The following SLC17A6 variants were observed in gnomAD, a reference collection of about 807,000 sequenced individuals.
SLC17A6 encodes the protein vesicular glutamate transporter 2.
A neutral mutation model predicts 67.1 loss-of-function variants in SLC17A6; 35 were observed. The observed-to-expected ratio is 0.52, with a 90% CI of 0.40 to 0.69. The LOEUF (loss-of-function observed/expected upper bound fraction) is 0.69. Among genes scored for constraint, SLC17A6 ranks in the 30% least tolerant of loss-of-function variants. The pLI is 0.00. For synonymous variants in SLC17A6, 285 were observed against 252.3 expected, an observed-to-expected ratio of 1.13 and a Z score of -1.23; for missense variants, 588 against 723.9, an observed-to-expected ratio of 0.81 and a Z score of 2.15.
At chr11:22,365,018 C>A (rs900121598) in intron 6 of SLC17A6, among the ~76,000 whole-genome samples, 13 of 152,118 alleles carry the variant, frequency 8.5e-5, no homozygotes, top group African/African-American at 3.1e-4. Flanking sequence ...TGTAGCCACT[C>A]ATGCTAAAAT....
intron 8 of SLC17A6, among the ~76,000 whole-genome samples, chr11:22,374,544 C>A (rs1856210974): frequency 6.6e-6 from 1 of 151,532 alleles, no homozygotes; most frequent in Non-Finnish European, 1.5e-5. Flanking sequence ...AAAAAATTAC[C>A]TTCTAAAGGA....
chr11:22,341,140 G>C (rs948295719), intron 1 of SLC17A6, among the ~76,000 whole-genome samples: 5 of 152,104 alleles, frequency 3.3e-5, no homozygotes, highest in Admixed American at 6.5e-5. Context: ...AGTGGGAGGC[G>C]CCTACTCAGG....
At chr11:22,367,538 T>A (rs185931868) in intron 7 of SLC17A6, among the ~76,000 whole-genome samples, 2 of 152,278 alleles carry the variant, frequency 1.3e-5, no homozygotes, top group East Asian at 3.9e-4. Flanking sequence ...AGATTGCTAG[T>A]ATGCACTGGT....
Position 22,376,601 on chromosome 11 carries a change from A to T in SLC17A6, c.1342A>T (p.Ile448Phe), listed in dbSNP as rs772184307. Residue 448 changes from isoleucine to phenylalanine, a missense_variant, in exon 11 of 12, where the codon ATT becomes TTT. Physicochemically the swap from Ile to Phe is conservative, Grantham distance 21. This residue lies in a region of SLC17A6 where 414 missense variants were observed against 563.4 expected (regional missense o/e 0.73). Coordinates refer to ENST00000263160, the MANE Select transcript of SLC17A6 (RefSeq NM_020346.3). Reference sequence around the variant, plus strand: ...AAGATATGCCAGTATCTTAATGGGCATTTCGAATGGTGTTGGCACATTGTC... The same window carrying T: ...AAGATATGCCAGTATCTTAATGGGCTTTTCGAATGGTGTTGGCACATTGTC... ...APRYASILMG[I>F]SNGVGTLSGM... 2 of 1,613,862 alleles carry T rather than the reference A, an allele frequency of 1.2e-6. No homozygotes were observed. The highest frequency in any genetic ancestry group is 1.7e-6 in the Non-Finnish European group (2 of 1,179,916).
intron 1 of SLC17A6, among the ~76,000 whole-genome samples, 165 bp downstream of exon 1, chr11:22,338,784 A>G (rs1036534707): frequency 6.7e-6 from 1 of 149,944 alleles, no homozygotes; most frequent in Non-Finnish European, 1.5e-5. Context: ...TTATTAATGC[A>G]GGAATGTTGC....
rs879003744 is a variant in SLC17A6, at chr11:22,375,014, T to G, written c.1174+127T>G. 105 of 917,334 alleles carry G rather than the reference T, an allele frequency of 1.1e-4. 1 individual carries two copies. The South Asian group carries it at 2.1e-3, about 18-fold the overall frequency. 56.8% of individuals were successfully genotyped at this position (917,334 alleles called of 1,614,324 possible). On this transcript the variant is annotated intron_variant, in intron 9 of 11. Transcript: ENST00000263160. ...TTACATTTGTGCCTTCATTATTCACTTAAAATAACTTCCTCATATTACATC... is the reference window on the plus strand; with the variant it reads ...TTACATTTGTGCCTTCATTATTCACGTAAAATAACTTCCTCATATTACATC...
chr11:22,361,348 CA>C (rs1255577570), intron 5 of SLC17A6: 1 of 158,906 alleles, frequency 6.3e-6, no homozygotes, highest in African/African-American at 2.4e-5. Context: ...AACACATTTA[CA>C]GAGATAAAAA....
intron 3 of SLC17A6, among the ~76,000 whole-genome samples, chr11:22,356,379 T>C (rs899169149): frequency 2.0e-5 from 3 of 152,190 alleles, no homozygotes; most frequent in Admixed American, 6.5e-5. Context: ...AGAATTTTGA[T>C]AATCAGAATT....
At chr11:22,375,872 T>C in intron 9 of SLC17A6, 110 bp from the exon 10 acceptor site, 1 of 620,398 alleles carries the variant, frequency 1.6e-6, no homozygotes. Flanking sequence ...GAAGATAGAC[T>C]CTCTGAAGTG....
intron 3 of SLC17A6, among the ~76,000 whole-genome samples, chr11:22,358,314 G>GTGTTTGTT (rs200535807): frequency 5.5e-4 from 83 of 152,102 alleles, no homozygotes; most frequent in African/African-American, 1.8e-3. Context: ...CATTATAGAA[G>GTGTTTGTT]TGTTTGTTTG....
Position 22,344,524 on chromosome 11 carries a change from G to A in SLC17A6, c.458+1159G>A, listed in dbSNP as rs545697837. 2.8e-4 allele frequency among the ~76,000 whole-genome samples: 42 copies of A among 152,252 alleles called. No individual in the cohort carries two copies. The Middle Eastern group carries it at 0.014, about 49-fold the overall frequency. On this transcript the variant is annotated intron_variant, in intron 3 of 11. Transcript: ENST00000263160. Reference sequence around the variant, plus strand: ...TAGGCTTAAGGATCCCTAGAGTGAGGGTTTTGGGGCAGTGCTTTAAAATGT... The same window carrying A: ...TAGGCTTAAGGATCCCTAGAGTGAGAGTTTTGGGGCAGTGCTTTAAAATGT...
In SLC17A6 at chr11:22,343,342, C is replaced by A; in HGVS notation, c.435C>A (p.Ile145=). The A allele has an allele frequency of 1.9e-6, 3 of 1,611,236 alleles. No individual in the cohort carries two copies. The highest frequency in any genetic ancestry group is 1.3e-5 in the African/African-American group (1 of 74,826). ...TCACTCAGATTCCGGGAGGCTACAT[C>A]GCGTCTCGGCTGGCAGCCAACAGGT... ...YIITQIPGGY[I]ASRLAANRVF... is the part of the protein sequence containing the mutation. Residue 145 remains isoleucine (I), a synonymous_variant, in exon 3 of 12, where the codon ATC becomes ATA. Coordinates refer to ENST00000263160, the MANE Select transcript of SLC17A6 (RefSeq NM_020346.3).
intron 1 of SLC17A6, among the ~76,000 whole-genome samples, chr11:22,340,218 G>A (rs1043348119): frequency 6.6e-6 from 1 of 152,214 alleles, no homozygotes; most frequent in Non-Finnish European, 1.5e-5. Flanking sequence ...CAGGTGAAAA[G>A]CAATTACACG....
At chr11:22,352,013 A>C (rs1467448754) in intron 3 of SLC17A6, among the ~76,000 whole-genome samples, 1 of 152,212 alleles carries the variant, frequency 6.6e-6, no homozygotes, top group Non-Finnish European at 1.5e-5. Context: ...TGAAACAAGC[A>C]TAATATAATA....
chr11:22,341,085 G>C (rs1231016527), intron 1 of SLC17A6, among the ~76,000 whole-genome samples: 1 of 152,208 alleles, frequency 6.6e-6, no homozygotes, highest in Non-Finnish European at 1.5e-5. Flanking sequence ...TGTTGCAGGA[G>C]GACACCGCGG....
Position 22,359,542 on chromosome 11 carries a change from G to A in SLC17A6, c.573+15G>A. ...GACTTGTTGAGGTATGTAACTTCAG[G>A]GTGAAGCCTTTTTAAGATTGGCATT... On this transcript the variant is annotated intron_variant, in intron 4 of 11. Transcript: ENST00000263160. The A allele has an allele frequency of 6.6e-7, 1 of 1,505,848 alleles. No homozygotes were observed. The highest frequency in any genetic ancestry group is 9.0e-7 in the Non-Finnish European group (1 of 1,115,174). The allele number at this position is 1,505,848 out of a possible 1,614,324, so 93.3% of individuals were successfully genotyped here.
In SLC17A6 at chr11:22,366,863, G is replaced by A. The variant is rs563938409; in HGVS notation, c.891+1174G>A. ...TACTAAAAATACAAAAATATTACCC[G>A]GGCCTGGTGGTGTGAGCCTGTAATC... is the stretch of plus-strand genomic sequence containing the variant. On this transcript the variant is annotated intron_variant, in intron 7 of 11. Transcript: ENST00000263160. 6.6e-5 allele frequency among the ~76,000 whole-genome samples: 10 copies of A among 151,938 alleles called. No homozygotes were observed. The South Asian group carries it at 1.2e-3, about 19-fold the overall frequency.
chr11:22,374,723 G>A, intron 8 of SLC17A6, 32 bp from the exon 9 acceptor site: 4 of 1,558,294 alleles, frequency 2.6e-6, no homozygotes, highest in Non-Finnish European at 2.6e-6. Context: ...TTATGGTTAT[G>A]TCTATTTCTC....
chr11:22,365,890 T>C (rs896386664), intron 7 of SLC17A6, among the ~76,000 whole-genome samples: 4 of 152,174 alleles, frequency 2.6e-5, no homozygotes, highest in African/African-American at 7.2e-5. Flanking sequence ...TCCTTTATCC[T>C]TTCTTAAGCA....
Sources: allele counts gnomAD v4.1 joint callset (sites outside exome capture counted in the v4.1 genomes callset), GRCh38; gene constraint gnomAD v4.1.1; regional missense constraint gnomAD v4.1.1; transcripts MANE v1.5; gene names NCBI Gene and HGNC (gene_info 2026-07-23, HGNC 2026-07-21).